The following PBX4 variants were observed in gnomAD, a reference collection of about 807,000 sequenced individuals.
PBX4 encodes PBX homeobox 4.
A neutral mutation model predicts 35.1 loss-of-function variants in PBX4; 26 were observed. That is an observed-to-expected ratio of 0.74 (90% CI 0.54 to 1.03). The LOEUF is 1.03. PBX4 is among the 50% of genes least tolerant of loss of function. PBX4 has a pLI of 0.00. For missense variants in PBX4, 448 were observed against 504.3 expected, an observed-to-expected ratio of 0.89 and a Z score of 1.07; for synonymous variants, 199 against 204.2, an observed-to-expected ratio of 0.97 and a Z score of 0.22.
intron 2 of PBX4, among the ~76,000 whole-genome samples, chr19:19,586,610 C>G (rs187968004): frequency 1.4e-4 from 22 of 152,002 alleles, no homozygotes. Flanking sequence ...GAAAAACAAG[C>G]CCCTGTGAGG....
intron 1 of PBX4, among the ~76,000 whole-genome samples, chr19:19,610,088 A>C (rs112445985): frequency 0.015 from 2,243 of 152,308 alleles, 74 homozygotes; most frequent in South Asian, 0.071. Context: ...TTGCCAAAAG[A>C]CTTTTAGATA....
intron 1 of PBX4, among the ~76,000 whole-genome samples, chr19:19,600,133 C>T (rs993781352): frequency 1.4e-5 from 2 of 139,904 alleles, no homozygotes; most frequent in Non-Finnish European, 3.1e-5. Flanking sequence ...TAGAGTGAGA[C>T]TCTGTCTCAA....
intron 2 of PBX4, among the ~76,000 whole-genome samples, chr19:19,598,684 C>G (rs540668425): frequency 1.6e-4 from 25 of 152,208 alleles, no homozygotes; most frequent in Admixed American, 3.9e-4. Context: ...AGGTCTTCGA[C>G]CTAGAATGCA....
intron 1 of PBX4, among the ~76,000 whole-genome samples, chr19:19,609,885 GA>G (rs781631798): frequency 6.6e-6 from 1 of 152,014 alleles, no homozygotes; most frequent in Non-Finnish European, 1.5e-5. Flanking sequence ...AACAAACAGT[GA>G]AAAACCACCC....
chr19:19,609,506 G>T (rs1358172108), intron 1 of PBX4, among the ~76,000 whole-genome samples: 4 of 134,802 alleles, frequency 3.0e-5, no homozygotes, highest in Non-Finnish European at 4.6e-5. Context: ...CCGAAATCGC[G>T]CCATTGCACT....
chr19:19,597,307 C>T (rs2061567302), intron 2 of PBX4, among the ~76,000 whole-genome samples: 1 of 152,222 alleles, frequency 6.6e-6, no homozygotes, highest in Non-Finnish European at 1.5e-5. Flanking sequence ...TAGATTTAAA[C>T]TTGAATTTCT....
intron 2 of PBX4, among the ~76,000 whole-genome samples, chr19:19,583,889 G>A (rs548040307): frequency 9.2e-5 from 14 of 152,192 alleles, no homozygotes; most frequent in Non-Finnish European, 2.1e-4. Flanking sequence ...GACCAACATG[G>A]AGAAATCCCA....
intron 2 of PBX4, among the ~76,000 whole-genome samples, chr19:19,578,494 C>G (rs900875960): frequency 1.3e-5 from 2 of 152,166 alleles, no homozygotes; most frequent in Non-Finnish European, 2.9e-5. Context: ...CTCAGCTCCC[C>G]CAGGGCCCTT....
At chr19:19,592,537 G>C (rs2061535586) in intron 2 of PBX4, among the ~76,000 whole-genome samples, 1 of 152,170 alleles carries the variant, frequency 6.6e-6, no homozygotes, top group African/African-American at 2.4e-5. Flanking sequence ...GTTCACCAGG[G>C]ACTGCTGGCA....
intron 2 of PBX4, among the ~76,000 whole-genome samples, chr19:19,575,113 T>A (rs2061411188): frequency 6.6e-6 from 1 of 151,952 alleles, no homozygotes. Flanking sequence ...GGCGGGTGCC[T>A]GTAGTCCCAG....
chr19:19,587,696 G>C (rs945852626), intron 2 of PBX4, among the ~76,000 whole-genome samples: 3 of 150,370 alleles, frequency 2.0e-5, no homozygotes, highest in Non-Finnish European at 2.9e-5. Flanking sequence ...CAGAGCTGCT[G>C]CAAGAACATG....
intron 2 of PBX4, chr19:19,588,162 G>A (rs1599361003): frequency 8.3e-7 from 1 of 1,199,584 alleles, no homozygotes; most frequent in East Asian, 2.4e-5. Context: ...ACAATCTTCA[G>A]GCAGCCATCC....
At chr19:19,605,737 T>C (rs1486623179) in intron 1 of PBX4, among the ~76,000 whole-genome samples, 2 of 151,982 alleles carry the variant, frequency 1.3e-5, no homozygotes, top group African/African-American at 2.4e-5. Flanking sequence ...CACAAAGTGT[T>C]AGGATTACAG....
intron 1 of PBX4, among the ~76,000 whole-genome samples, chr19:19,610,217 C>T (rs2061655553): frequency 6.6e-6 from 1 of 152,150 alleles, no homozygotes; most frequent in African/African-American, 2.4e-5. Flanking sequence ...AGTTCGAGAC[C>T]AGCCTGAACA....
chr19:19,565,279 T>C (rs1438447625), intron 5 of PBX4, among the ~76,000 whole-genome samples, 190 bp from the exon 6 acceptor site: 1 of 152,174 alleles, frequency 6.6e-6, no homozygotes, highest in Non-Finnish European at 1.5e-5. Flanking sequence ...GATGTCCACA[T>C]GGGTTGAGGA....
chr19:19,581,334 C>T (rs767750981), intron 2 of PBX4, among the ~76,000 whole-genome samples: 88 of 152,326 alleles, frequency 5.8e-4, no homozygotes, highest in Non-Finnish European at 8.5e-4. Context: ...GGCCTGAAGG[C>T]TGAGCCTGAG....
chr19:19,607,399 G>GA (rs1158066170), intron 1 of PBX4, among the ~76,000 whole-genome samples: 1 of 151,248 alleles, frequency 6.6e-6, no homozygotes, highest in Admixed American at 6.6e-5. Context: ...AGAAAAATTC[G>GA]AAAAAAAGGA....
At chr19:19,604,463 T>G (rs1226813191) in intron 1 of PBX4, among the ~76,000 whole-genome samples, 2 of 4,518 alleles carry the variant, frequency 4.4e-4, no homozygotes, top group Non-Finnish European at 6.4e-4. Flanking sequence ...CGAGATTCCA[T>G]CTCAAAAAAA....
Position 19,570,202 on chromosome 19 carries a change from G to A in PBX4, c.539C>T (p.Ala180Val), listed in dbSNP as rs1342487644. 6.2e-7 allele frequency: 1 copy of A among 1,614,172 alleles called. No individual in the cohort carries two copies. The highest frequency in any genetic ancestry group is 1.7e-5 in the Admixed American group (1 of 60,028). ...SPKEIERMVGAIHGKFSAIQM... is the reference protein window; with the variant it reads ...SPKEIERMVGVIHGKFSAIQM... ...GATGGCGCTGAACTTGCCGTGAATG[G>A]CGCCGACCATGCGCTCAATCTCCTT... Residue 180 changes from alanine (A) to valine (V), a missense_variant, in exon 4 of 8, where the codon GCC (alanine) becomes GTC (valine). Transcript: ENST00000251203.
Sources: gnomAD v4.1 joint callset for allele counts (sites outside exome capture counted in the v4.1 genomes callset) on GRCh38, gnomAD v4.1.1 for gene constraint, MANE v1.5 for transcripts, NCBI Gene and HGNC (gene_info 2026-07-23, HGNC 2026-07-21) for gene names.